Variants in SLC6A18 observed in about 807,000 individuals in gnomAD.
SLC6A18 encodes the protein solute carrier family 6 member 18, also known as inactive sodium-dependent neutral amino acid transporter B(0)AT3.
SLC6A18 carries 58 observed loss-of-function variants against 62.9 expected under a neutral mutation model. That is an observed-to-expected ratio of 0.92 (90% CI 0.75 to 1.15). SLC6A18 has a LOEUF of 1.15. SLC6A18 is among the 50% of genes most tolerant of loss of function. The pLI is 0.00. For missense variants in SLC6A18, 793 were observed against 836.6 expected (o/e 0.95, Z 0.64); for synonymous variants, 382 against 365.8 (o/e 1.04, Z -0.51).
intron 1 of SLC6A18, among the ~76,000 whole-genome samples, chr5:1,228,304 G>A (rs1166175648): frequency 6.6e-6 from 1 of 152,166 alleles, no homozygotes; most frequent in Non-Finnish European, 1.5e-5. Context: ...AGGCAGTGGG[G>A]GCTGGCACTG....
At chr5:1,233,880 T>C (rs755288174) in intron 3 of SLC6A18, among the ~76,000 whole-genome samples, 31 of 152,148 alleles carry the variant, frequency 2.0e-4, no homozygotes, top group South Asian at 1.7e-3. Context: ...TAGCTAGGAC[T>C]ACAGGCGCCT....
intron 3 of SLC6A18, 104 bp downstream of exon 3, chr5:1,232,992 G>T: frequency 6.8e-7 from 1 of 1,480,978 alleles, no homozygotes; most frequent in African/African-American, 1.4e-5. Context: ...GATGCTCACC[G>T]CGGGGGGAGG....
chr5:1,233,810 T>G (rs144265680), intron 3 of SLC6A18, among the ~76,000 whole-genome samples: 1 of 151,106 alleles, frequency 6.6e-6, no homozygotes, highest in African/African-American at 2.4e-5. Context: ...GGTGCTATCT[T>G]GGCTCACTGC....
At chr5:1,230,686 C>G (rs563432101) in intron 1 of SLC6A18, among the ~76,000 whole-genome samples, 3 of 152,186 alleles carry the variant, frequency 2.0e-5, no homozygotes, top group Non-Finnish European at 4.4e-5. Flanking sequence ...GAAGCCGGAC[C>G]CTGCCTGGCA....
At chr5:1,232,635 C>T in intron 2 of SLC6A18, 116 bp from the exon 3 acceptor site, 1 of 1,433,150 alleles carries the variant, frequency 7.0e-7, no homozygotes, top group Non-Finnish European at 9.3e-7. Flanking sequence ...TGGCTTTCAG[C>T]TGCGCCCTTC....
chr5:1,231,318 C>A (rs1746725663), intron 1 of SLC6A18, among the ~76,000 whole-genome samples: 2 of 152,116 alleles, frequency 1.3e-5, no homozygotes, highest in Admixed American at 1.3e-4. Flanking sequence ...GCCTGTGGGG[C>A]CTTCATCCTG....
At position 1,243,484 on chromosome 5, in the gene SLC6A18, G is replaced by A; in HGVS notation, c.1132-71G>A. The A allele has an allele frequency of 2.6e-6, 4 of 1,531,360 alleles. No individual in the cohort carries two copies. Among genetic ancestry groups the A allele is most frequent in the Non-Finnish European group, 2.7e-6 (3 of 1,120,668 alleles). The allele number at this position is 1,531,360 out of a possible 1,614,324, so 94.9% of individuals were successfully genotyped here. On this transcript the variant is annotated intron_variant, in intron 8 of 11. Coordinates refer to ENST00000324642, the MANE Select transcript of SLC6A18 (RefSeq NM_182632.3). This position sits in a 1 kb window ranked among gnomAD's most constrained non-coding sequence, Gnocchi z 6.5. ...CTCGGCCTGGGAGAGTGTGTGTCCT[G>A]CAGGCAGGCGTGTGTGTGTGGTGGA...
chr5:1,239,243 C>T (rs796922660), intron 5 of SLC6A18, among the ~76,000 whole-genome samples: 1 of 152,380 alleles, frequency 6.6e-6, no homozygotes, highest in African/African-American at 2.4e-5. Context: ...GGCCACATCC[C>T]GGACAGGGGC....
rs754373785 is a variant in SLC6A18 at position 1,244,353 on chromosome 5, TTA to T, written c.1478_1479del (p.Tyr493CysfsTer10). On this transcript the variant is annotated frameshift_variant, in exon 10 of 12. Coordinates refer to ENST00000324642, the MANE Select transcript of SLC6A18 (RefSeq NM_182632.3). LOFTEE classifies it high-confidence loss of function. ...LAFLEVVGVV[Y>X]VYGMKRFCDD... ...CCTTTCTCGAGGTTGTGGGTGTCGT[TTA>T]TGTTTATGGAATGAAACGGTGAGCT... The T allele has an allele frequency of 6.2e-7, 1 of 1,607,104 alleles. No homozygotes were observed. The highest frequency in any genetic ancestry group is 1.1e-5 in the South Asian group (1 of 90,920).
At chr5:1,237,367 A>G (rs535959775) in intron 4 of SLC6A18, among the ~76,000 whole-genome samples, 8 of 151,952 alleles carry the variant, frequency 5.3e-5, no homozygotes, top group Non-Finnish European at 1.0e-4. Context: ...TCTAGTGTGT[A>G]GACCCTTGTC....
At position 1,225,497 on chromosome 5, in the gene SLC6A18, C is replaced by T. The variant is rs201668810; in HGVS notation, c.20C>T (p.Pro7Leu). 2.5e-5 allele frequency: 40 copies of T among 1,612,712 alleles called. No homozygotes were observed. Among genetic ancestry groups the T allele is most frequent in the Middle Eastern group, 1.8e-4 (1 of 5,680 alleles). MAHAPEPDPAACDLGDE... is the reference protein window; with the variant it reads MAHAPELDPAACDLGDE... Reference sequence around the variant, plus strand: ...GTCACCATGGCTCATGCCCCAGAACCGGACCCGGCCGCCTGCGACCTCGGG... The same window carrying T: ...GTCACCATGGCTCATGCCCCAGAACTGGACCCGGCCGCCTGCGACCTCGGG... The change falls in exon 1 of 12, where the codon CCG becomes CTG. Residue 7 changes from proline (P) to leucine (L), a missense_variant. Coordinates refer to ENST00000324642, the MANE Select transcript of SLC6A18 (RefSeq NM_182632.3).
intron 1 of SLC6A18, among the ~76,000 whole-genome samples, chr5:1,231,307 G>A (rs1216114213): frequency 1.3e-5 from 2 of 152,186 alleles, no homozygotes; most frequent in African/African-American, 4.8e-5. Context: ...CCTGCCCTGG[G>A]GCCTGTGGGG....
At chr5:1,234,703 T>C (rs1401729635) in intron 3 of SLC6A18, among the ~76,000 whole-genome samples, 2 of 152,180 alleles carry the variant, frequency 1.3e-5, no homozygotes, top group Non-Finnish European at 2.9e-5. Flanking sequence ...CCCATGCCCT[T>C]CCCTCAGCCA....
At chr5:1,229,792 A>T (rs1255297520) in intron 1 of SLC6A18, among the ~76,000 whole-genome samples, 2 of 140,492 alleles carry the variant, frequency 1.4e-5, no homozygotes, top group East Asian at 4.4e-4. Context: ...GGTGGGGGGA[A>T]GTGATGTTTT....
chr5:1,237,832 A>G (rs543555482), intron 4 of SLC6A18, 118 bp from the exon 5 acceptor site: 3 of 763,270 alleles, frequency 3.9e-6, no homozygotes, highest in African/African-American at 1.7e-5. Context: ...GGTCAATCCC[A>G]TACCAGAGGC....
intron 4 of SLC6A18, among the ~76,000 whole-genome samples, chr5:1,237,029 T>C (rs1413914326): frequency 6.8e-6 from 1 of 147,034 alleles, no homozygotes; most frequent in Non-Finnish European, 1.5e-5. Flanking sequence ...AAGTCAGGAG[T>C]TCAAGACCAG....
rs377543257 is a variant in SLC6A18 at position 1,239,573 on chromosome 5, G to A, written c.845+11G>A. ...TTACAACTCGCCCAGGTAGGCAGTC[G>A]GGCTCAGCTGTCCAGCCAGGGAAGC... On this transcript the variant is annotated intron_variant, in intron 6 of 11. Coordinates refer to ENST00000324642, the MANE Select transcript of SLC6A18 (RefSeq NM_182632.3). 137 of 1,602,084 alleles carry A rather than the reference G, an allele frequency of 8.6e-5. No individual in the cohort carries two copies. The highest frequency in any genetic ancestry group is 1.1e-4 in the Non-Finnish European group (126 of 1,169,290).
chr5:1,239,310 A>G, intron 5 of SLC6A18, 140 bp from the exon 6 acceptor site: 1 of 642,358 alleles, frequency 1.6e-6, no homozygotes, highest in Non-Finnish European at 2.8e-6. Flanking sequence ...GCGTGGTCCT[A>G]CCCTGTTCCT....
At chr5:1,233,770 C>T (rs902084921) in intron 3 of SLC6A18, among the ~76,000 whole-genome samples, 1 of 109,240 alleles carries the variant, frequency 9.2e-6, no homozygotes, top group African/African-American at 3.5e-5. Context: ...GAGACGGAGT[C>T]TTGCTCTGTC....
Sources: allele counts gnomAD v4.1 joint callset (sites outside exome capture counted in the v4.1 genomes callset), GRCh38; gene constraint gnomAD v4.1.1; non-coding constraint Gnocchi (gnomAD v3.1); transcripts MANE v1.5; gene names NCBI Gene and HGNC (gene_info 2026-07-23, HGNC 2026-07-21).